Variants in NOS1AP observed in about 807,000 individuals in gnomAD.
NOS1AP encodes carboxyl-terminal PDZ ligand of neuronal nitric oxide synthase protein.
In NOS1AP, 21 loss-of-function variants were observed where a neutral mutation model predicts 56.2. The ratio of observed to expected loss-of-function variants is 0.37; its 90% CI spans 0.26 to 0.54. The LOEUF is 0.54. NOS1AP is among the 20% of genes least tolerant of loss of function. NOS1AP has a pLI of 0.84. For synonymous variants in NOS1AP, 270 were observed against 274.6 expected (o/e 0.98, Z 0.17); for missense variants, 522 against 657.8 (o/e 0.79, Z 2.26).
At chr1:162,326,556 A>T (rs552940097) in intron 4 of NOS1AP, among the ~76,000 whole-genome samples, 5 of 152,226 alleles carry the variant, frequency 3.3e-5, no homozygotes, top group Non-Finnish European at 7.3e-5. Context: ...TCACATGATT[A>T]TGGAGGCTGA....
intron 2 of NOS1AP, among the ~76,000 whole-genome samples, chr1:162,236,678 G>T (rs1373600901): frequency 6.6e-6 from 1 of 152,126 alleles, no homozygotes; most frequent in South Asian, 2.1e-4. Context: ...GTGGGGGATG[G>T]GGGGGCAGGT....
intron 9 of NOS1AP, 127 bp from the exon 10 acceptor site, chr1:162,366,925 C>T (rs1456882141): frequency 1.1e-5 from 12 of 1,046,044 alleles, no homozygotes; most frequent in Non-Finnish European, 7.5e-6. Context: ...GACCCAAAGC[C>T]CGGAGAGGTG....
chr1:162,307,147 C>T (rs1655860833), intron 4 of NOS1AP, among the ~76,000 whole-genome samples: 1 of 152,054 alleles, frequency 6.6e-6, no homozygotes, highest in Non-Finnish European at 1.5e-5. Context: ...AAAAAATAAA[C>T]TAAATAGTAT....
At chr1:162,180,031 G>A (rs1283619953) in intron 2 of NOS1AP, among the ~76,000 whole-genome samples, 1 of 152,110 alleles carries the variant, frequency 6.6e-6, no homozygotes, top group Non-Finnish European at 1.5e-5. Context: ...GGATCTGAGA[G>A]GTGAGGACCA....
chr1:162,357,218 G>A, intron 8 of NOS1AP, 82 bp downstream of exon 8: 2 of 1,550,094 alleles, frequency 1.3e-6, no homozygotes, highest in Non-Finnish European at 8.7e-7. Flanking sequence ...GCTCAGGGCA[G>A]GTTTAAAATC....
intron 4 of NOS1AP, among the ~76,000 whole-genome samples, chr1:162,328,624 A>G (rs1362549687): frequency 6.6e-6 from 1 of 152,208 alleles, no homozygotes; most frequent in Non-Finnish European, 1.5e-5. Flanking sequence ...CAGGTGAAGA[A>G]CAAGAAGGGG....
At chr1:162,360,587 C>G (rs542135621) in intron 8 of NOS1AP, 1 of 350,930 alleles carries the variant, frequency 2.8e-6, no homozygotes, top group South Asian at 2.2e-5. Flanking sequence ...CCTGCTGCCA[C>G]TTCTGTTTGT....
chr1:162,094,750 A>G (rs998424879), intron 1 of NOS1AP, among the ~76,000 whole-genome samples: 2 of 152,172 alleles, frequency 1.3e-5, no homozygotes, highest in African/African-American at 2.4e-5. Flanking sequence ...GATTGAGCAG[A>G]GAGGATGCAA....
At chr1:162,319,081 C>T (rs992564240) in intron 4 of NOS1AP, among the ~76,000 whole-genome samples, 7 of 152,202 alleles carry the variant, frequency 4.6e-5, no homozygotes, top group Non-Finnish European at 1.0e-4. Context: ...CTGTGCATCG[C>T]TCCAGGTGTG....
chr1:162,359,451 C>T (rs1480341349), intron 8 of NOS1AP, among the ~76,000 whole-genome samples: 1 of 152,162 alleles, frequency 6.6e-6, no homozygotes, highest in Non-Finnish European at 1.5e-5. Context: ...AGGACCACAG[C>T]AGGGATATTG....
At chr1:162,255,470 T>C (rs916953168) in intron 2 of NOS1AP, among the ~76,000 whole-genome samples, 5 of 146,952 alleles carry the variant, frequency 3.4e-5, no homozygotes, top group African/African-American at 1.2e-4. Context: ...TTCAGATGCA[T>C]AGGTTATTTG....
intron 2 of NOS1AP, among the ~76,000 whole-genome samples, chr1:162,192,277 G>C (rs1651671292): frequency 6.6e-6 from 1 of 152,164 alleles, no homozygotes; most frequent in South Asian, 2.1e-4. Flanking sequence ...CGTTTTCCAG[G>C]GTTTTTTCAA....
At chr1:162,318,931 C>T (rs751609542) in intron 4 of NOS1AP, among the ~76,000 whole-genome samples, 1 of 152,096 alleles carries the variant, frequency 6.6e-6, no homozygotes, top group Non-Finnish European at 1.5e-5. Flanking sequence ...AGAATCATAT[C>T]CTTCCCTCTC....
At chr1:162,337,993 A>G (rs927183383) in intron 5 of NOS1AP, among the ~76,000 whole-genome samples, 1 of 152,224 alleles carries the variant, frequency 6.6e-6, no homozygotes, top group African/African-American at 2.4e-5. Context: ...AGATCATTTG[A>G]TAGATATAAG....
intron 2 of NOS1AP, among the ~76,000 whole-genome samples, chr1:162,270,992 G>A (rs981137770): frequency 6.6e-6 from 1 of 152,194 alleles, no homozygotes; most frequent in African/African-American, 2.4e-5. Context: ...GCAGCTTGGT[G>A]GGAGAAGGGA....
intron 1 of NOS1AP, among the ~76,000 whole-genome samples, chr1:162,078,978 G>A (rs924959435): frequency 1.3e-5 from 2 of 152,194 alleles, no homozygotes; most frequent in Non-Finnish European, 2.9e-5. Context: ...CCTGAGTACA[G>A]TGCCTTGCAC....
intron 4 of NOS1AP, among the ~76,000 whole-genome samples, chr1:162,331,021 G>A (rs539158309): frequency 5.2e-4 from 79 of 152,230 alleles, no homozygotes; most frequent in Non-Finnish European, 7.6e-4. Flanking sequence ...GAATTCACTC[G>A]GGGGTATGAG....
At chr1:162,229,647 G>A (rs985911623) in intron 2 of NOS1AP, among the ~76,000 whole-genome samples, 10 of 152,046 alleles carry the variant, frequency 6.6e-5, no homozygotes, top group African/African-American at 2.4e-4. Context: ...TTGCCCTCAC[G>A]TGATAGGAGC....
intron 2 of NOS1AP, among the ~76,000 whole-genome samples, chr1:162,180,450 T>G (rs1297335557): frequency 2.0e-5 from 3 of 152,140 alleles, no homozygotes; most frequent in Admixed American, 6.6e-5. Flanking sequence ...TTCACCGTGT[T>G]AGCCAGGATG....
Sources: allele counts gnomAD v4.1 joint callset (sites outside exome capture counted in the v4.1 genomes callset), GRCh38; gene constraint gnomAD v4.1.1; transcripts MANE v1.5; gene names NCBI Gene and HGNC (gene_info 2026-07-23, HGNC 2026-07-21).